NEB: variants seen among roughly 807,000 people sequenced by gnomAD.
NEB encodes the protein nemaline myopathy type 2.
In NEB, 512 loss-of-function variants were observed where a neutral mutation model predicts 952.2. The observed-to-expected ratio is 0.54, with a 90% CI of 0.50 to 0.58. The LOEUF is 0.58. Among genes scored for constraint, NEB ranks in the 20% least tolerant of loss-of-function variants. The probability of loss-of-function intolerance (pLI) is 0.00; values close to 1 mark genes in which losing one functional copy is unlikely to be tolerated. For synonymous variants in NEB, 2,900 were observed against 3,149.8 expected (o/e 0.92, Z 2.66); for missense variants, 8,428 against 9,231.1 (o/e 0.91, Z 3.56).
intron 34 of NEB, 25 bp from the exon 35 acceptor site, chr2:151,675,416 G>A (rs745386853): frequency 4.2e-6 from 6 of 1,417,838 alleles, no homozygotes; most frequent in Non-Finnish European, 5.8e-6. Flanking sequence ...ATTTCACATA[G>A]TGCAAAAAGG....
rs1468484992 is a variant in NEB at position 151,671,085 on chromosome 2, T to C, written c.4444A>G (p.Thr1482Ala). 1 of 1,614,012 alleles carries C rather than the reference T, an allele frequency of 6.2e-7. No individual in the cohort carries two copies. Among genetic ancestry groups the C allele is most frequent in the Non-Finnish European group, 8.5e-7 (1 of 1,179,880 alleles). ...ATGCCCATGGAATCAGGCACACTTG[T>C]GAACTTGACGGTATCTGGGTGCTGT... ...YRQHPDTVKF[T>A]SVPDSMGMVL... The change falls in exon 38 of 182, where the codon ACA (threonine) becomes GCA (alanine). Residue 1482 changes from threonine (T) to alanine (A), a missense_variant. Coordinates refer to ENST00000397345, the MANE Select transcript of NEB (RefSeq NM_001164508.2).
chr2:151,520,361 A>C (rs2081093571), intron 153 of NEB, among the ~76,000 whole-genome samples: 1 of 152,222 alleles, frequency 6.6e-6, no homozygotes, highest in South Asian at 2.1e-4. Flanking sequence ...TCAGACTAGA[A>C]GTAGGAAAAA....
At chr2:151,515,004 A>T (rs1351658764) in intron 157 of NEB, 76 bp from the exon 158 acceptor site, 14 of 912,738 alleles carry the variant, frequency 1.5e-5, no homozygotes, top group Non-Finnish European at 2.4e-5. Flanking sequence ...CAGGAAGAAA[A>T]AAAAAACAGC....
chr2:151,506,021 C>G, intron 164 of NEB, 145 bp downstream of exon 164: 1 of 741,206 alleles, frequency 1.3e-6, no homozygotes, highest in Non-Finnish European at 2.4e-6. Flanking sequence ...ATGACTCTAG[C>G]CACTGTGTGG....
intron 135 of NEB, among the ~76,000 whole-genome samples, chr2:151,542,549 A>G (rs1456658257): frequency 6.6e-6 from 1 of 152,132 alleles, no homozygotes; most frequent in Non-Finnish European, 1.5e-5. Context: ...TACTCGGGCC[A>G]GAAACTTGGG....
intron 7 of NEB, 150 bp from the exon 8 acceptor site, chr2:151,724,514 T>C (rs1337185045): frequency 7.7e-6 from 5 of 647,396 alleles, no homozygotes; most frequent in Non-Finnish European, 1.4e-5. Flanking sequence ...CATCCTATAA[T>C]ACTTTTCCTA....
At chr2:151,710,315 C>G in intron 11 of NEB, 119 bp downstream of exon 11, 1 of 551,846 alleles carries the variant, frequency 1.8e-6, no homozygotes, top group Non-Finnish European at 3.2e-6. Context: ...AGGTCTTGCC[C>G]CAAGAAGAGG....
At chr2:151,554,802 C>A (rs751366549) in intron 125 of NEB, 129 bp downstream of exon 125, 1 of 737,524 alleles carries the variant, frequency 1.4e-6, no homozygotes, top group East Asian at 2.6e-5. Context: ...AGTCTAGGAG[C>A]AATAGGCTAT....
At chr2:151,575,850 T>C (rs1434445554) in intron 106 of NEB, 51 bp from the exon 107 acceptor site, 5 of 1,222,816 alleles carry the variant, frequency 4.1e-6, no homozygotes, top group Non-Finnish European at 6.1e-6. Flanking sequence ...TTCATGTTGC[T>C]AGTCCCACTA....
chr2:151,692,162 C>A lies in NEB; in HGVS notation c.2003G>T (p.Arg668Ile). 6.2e-7 allele frequency: 1 copy of A among 1,611,888 alleles called. No homozygotes were observed. The highest frequency in any genetic ancestry group is 1.7e-4 in the Middle Eastern group (1 of 6,054). ...ATCCTTTACATATAAGTCTTTATAT[C>A]TAGCCTGAAAAATAAAACAAATGTA... ...DTQLKNFSEA[R>I]YKDLYVKDVL... Residue 668 changes from arginine to isoleucine, a missense_variant, in exon 22 of 182, where the codon AGA becomes ATA. Transcript: ENST00000397345.
intron 169 of NEB, among the ~76,000 whole-genome samples, 152 bp downstream of exon 169, chr2:151,499,146 A>G (rs2062538875): frequency 6.6e-6 from 1 of 152,196 alleles, no homozygotes; most frequent in African/African-American, 2.4e-5. Context: ...CAAAATGGGG[A>G]AAACTGATTC....
At chr2:151,694,137 C>T (rs536410281) in intron 20 of NEB, among the ~76,000 whole-genome samples, 186 bp downstream of exon 20, 114 of 152,338 alleles carry the variant, frequency 7.5e-4, no homozygotes, top group Admixed American at 2.2e-3. Flanking sequence ...GCAGTATTCA[C>T]TGGCATCAAA....
intron 10 of NEB, among the ~76,000 whole-genome samples, chr2:151,715,948 A>T (rs1466920226): frequency 2.0e-5 from 3 of 152,208 alleles, no homozygotes; most frequent in Admixed American, 6.5e-5. Context: ...CCCACTGCAT[A>T]TTTAAATAAG....
intron 63 of NEB, 21 bp from the exon 64 acceptor site, chr2:151,636,355 A>G (rs772010312): frequency 6.4e-7 from 1 of 1,563,296 alleles, no homozygotes; most frequent in Non-Finnish European, 8.7e-7. Context: ...GGGAAAAAAA[A>G]TCAGATGCTG....
intron 9 of NEB, among the ~76,000 whole-genome samples, chr2:151,718,833 C>G (rs765150517): frequency 6.6e-6 from 1 of 152,230 alleles, no homozygotes; most frequent in Non-Finnish European, 1.5e-5. Flanking sequence ...GCCCTCCTTT[C>G]TCTCTTCATT....
At chr2:151,575,828 T>C (rs1311573464) in intron 106 of NEB, 29 bp from the exon 107 acceptor site, 4 of 1,431,136 alleles carry the variant, frequency 2.8e-6, no homozygotes, top group South Asian at 1.1e-5. Flanking sequence ...ATAATAAAAT[T>C]ACTTCACAAT....
At chr2:151,674,315 C>T (rs185994752) in intron 36 of NEB, among the ~76,000 whole-genome samples, 162 bp downstream of exon 36, 18 of 152,258 alleles carry the variant, frequency 1.2e-4, no homozygotes, top group African/African-American at 3.4e-4. Context: ...AAAAGAACCA[C>T]AAAAATGTTT....
chr2:151,553,914 A>G lies in NEB; in HGVS notation c.19540T>C (p.Tyr6514His), dbSNP rs1210052330. The G allele has an allele frequency of 6.2e-7, 1 of 1,613,902 alleles. No individual in the cohort carries two copies. The highest frequency in any genetic ancestry group is 1.3e-5 in the African/African-American group (1 of 75,052). ...DSQKKVSEID[Y>H]RLRLHEWICH... The stretch of plus-strand genomic sequence containing the variant: ...ATCCATTCGTGGAGGCGCAGGCGGT[A>G]ATCAATCTCACTGACTTTCTTCTGG... Residue 6514 changes from tyrosine (Y) to histidine (H), a missense_variant, in exon 126 of 182, where the codon TAC becomes CAC. Around this residue, in one of 11 missense-constraint regions of NEB, gnomAD observed 3,374 missense variants for 3,651.5 expected, o/e 0.92. Transcript: ENST00000397345.
intron 146 of NEB, 32 bp from the exon 147 acceptor site, chr2:151,527,617 G>T: frequency 1.3e-6 from 2 of 1,506,152 alleles, no homozygotes; most frequent in South Asian, 2.3e-5. Context: ...GGAATCACTT[G>T]ATTCAGTAGG....
Sources: gnomAD v4.1 joint callset for allele counts (sites outside exome capture counted in the v4.1 genomes callset) on GRCh38, gnomAD v4.1.1 for gene constraint, gnomAD v4.1.1 regional missense constraint, MANE v1.5 for transcripts, NCBI Gene and HGNC (gene_info 2026-07-23, HGNC 2026-07-21) for gene names.